MCOLN2: variants seen among roughly 807,000 people sequenced by gnomAD.
MCOLN2 encodes the protein mucolipin-2.
A neutral mutation model predicts 67.5 loss-of-function variants in MCOLN2; 57 were observed. That is an observed-to-expected ratio of 0.84 (90% CI 0.68 to 1.05). MCOLN2 has a LOEUF of 1.05. MCOLN2 is among the 50% of genes least tolerant of loss of function. The probability of loss-of-function intolerance (pLI) is 0.00; values close to 1 mark genes in which losing one functional copy is unlikely to be tolerated. For missense variants in MCOLN2, 620 were observed against 678.8 expected (o/e 0.91, Z 0.96); for synonymous variants, 246 against 233.3 (o/e 1.05, Z -0.50).
At chr1:84,956,831 GC>G (rs996444682) in intron 3 of MCOLN2, among the ~76,000 whole-genome samples, 1 of 152,168 alleles carries the variant, frequency 6.6e-6, no homozygotes, top group Admixed American at 6.5e-5. Flanking sequence ...CCAAGGTCCT[GC>G]CTTATCTCTA....
In MCOLN2 at chr1:84,937,817, CA is replaced by C; in HGVS notation, c.1272del (p.Gly425ValfsTer2). On this transcript the variant is annotated frameshift_variant, in exon 11 of 14. Transcript: ENST00000370608. LOFTEE classifies it high-confidence loss of function. ...AATGTGTAACCCAGATAAATCATAC[CA>C]GCACAAGCACAAAACCGAAGAACTT... ...LPKVLRFCAC[A>X]GMIYLGYTFC... is the part of the protein sequence containing the mutation. The C allele has an allele frequency of 1.2e-6, 2 of 1,614,122 alleles. No individual in the cohort carries two copies. Among genetic ancestry groups the C allele is most frequent in the Non-Finnish European group, 1.7e-6 (2 of 1,180,014 alleles).
At position 84,996,868 on chromosome 1, in the gene MCOLN2, G is replaced by A; in HGVS notation, c.5C>T (p.Ala2Val). 1.9e-6 allele frequency: 3 copies of A among 1,613,990 alleles called. No individual in the cohort carries two copies. Among genetic ancestry groups the A allele is most frequent in the Non-Finnish European group, 2.5e-6 (3 of 1,179,886 alleles). M[A>V]RQPYRFPQAR... The stretch of plus-strand genomic sequence containing the variant: ...CTGGGGAAAACGATAAGGCTGCCGG[G>A]CCATGCCTCCTCCTTCAAAACTTTC... Residue 2 changes from alanine to valine, a missense_variant, in exon 1 of 14, where the codon GCC becomes GTC. Physicochemically the swap from Ala to Val is moderately conservative, Grantham distance 64. Coordinates refer to ENST00000370608, the MANE Select transcript of MCOLN2 (RefSeq NM_153259.4).
intron 1 of MCOLN2, among the ~76,000 whole-genome samples, chr1:84,987,565 CATAGATGT>C (rs1225283552): frequency 1.3e-5 from 1 of 78,558 alleles, no homozygotes; most frequent in South Asian, 4.1e-4. Flanking sequence ...TCTATGTATA[CATAGATGT>C]ATACATAGAT....
At chr1:84,959,222 C>G (rs1648952918) in intron 2 of MCOLN2, among the ~76,000 whole-genome samples, 1 of 152,282 alleles carries the variant, frequency 6.6e-6, no homozygotes, top group South Asian at 2.1e-4. Flanking sequence ...ATTAATTCAG[C>G]TCTGCAAGAA....
In MCOLN2 at chr1:84,958,702, G is replaced by T. The variant is rs1255698980; in HGVS notation, c.238C>A (p.Leu80Ile). 1 of 1,563,432 alleles carries T rather than the reference G, an allele frequency of 6.4e-7. No individual in the cohort carries two copies. The highest frequency in any genetic ancestry group is 1.4e-5 in the African/African-American group (1 of 72,282). ...TGGTTACTTAAACCAAAACGAACAA[G>T]CTAAAAAATAAAATAAAATAGAAAC... Reference protein sequence around the residue: ...ILKIVMVTTQLVRFGLSNQLV... With the variant: ...ILKIVMVTTQIVRFGLSNQLV... The change falls in exon 3 of 14, where the codon CTT becomes ATT. Residue 80 changes from leucine to isoleucine, a missense_variant and splice_region_variant. Transcript: ENST00000370608.
intron 2 of MCOLN2, among the ~76,000 whole-genome samples, chr1:84,963,631 T>G (rs1649212321): frequency 6.6e-6 from 1 of 151,552 alleles, no homozygotes; most frequent in African/African-American, 2.4e-5. Flanking sequence ...CTCATGATAG[T>G]GAGTGAGTTC....
In MCOLN2 at chr1:84,956,509, C is replaced by A. The variant is rs142814021; in HGVS notation, c.487G>T (p.Val163Phe). 1 of 1,612,362 alleles carries A rather than the reference C, an allele frequency of 6.2e-7. No homozygotes were observed. The highest frequency in any genetic ancestry group is 2.2e-5 in the East Asian group (1 of 44,820). Residue 163 changes from valine (V) to phenylalanine (F), a missense_variant, in exon 4 of 14, where the codon GTC (valine) becomes TTC (phenylalanine). Val to Phe is a conservative substitution (Grantham distance 50). Transcript: ENST00000370608. ...CCTTTCTTGTAATGCTGCTTACAGA[C>A]TTTTAAGCCAATTCTATTGTCTTCA... ...ENEDNRIGLK[V>F]CKQHYKKGTM... is the part of the protein sequence containing the mutation.
chr1:84,980,414 T>G (rs539615702), intron 1 of MCOLN2, among the ~76,000 whole-genome samples: 1 of 152,236 alleles, frequency 6.6e-6, no homozygotes, highest in African/African-American at 2.4e-5. Flanking sequence ...CTTCAAAATA[T>G]ACCACATAGC....
Position 84,952,314 on chromosome 1 carries a change from GA to G in MCOLN2, c.675del (p.His226IlefsTer52). The G allele has an allele frequency of 1.2e-6, 2 of 1,613,444 alleles. No homozygotes were observed. The highest frequency in any genetic ancestry group is 1.7e-6 in the Non-Finnish European group (2 of 1,179,530). ...GTCTGTAGGTCAATGCCTTTAAGAT[GA>G]AAGGAGATTTCAACCTGTAAGAGCC... ...FYRLLQVEISFHLKGIDLQTI... is the reference protein window; with the variant it reads ...FYRLLQVEISXHLKGIDLQTI... On this transcript the variant is annotated frameshift_variant, in exon 6 of 14. Transcript: ENST00000370608. LOFTEE classifies it high-confidence loss of function.
chr1:84,938,594 C>T (rs1647570134), intron 9 of MCOLN2, among the ~76,000 whole-genome samples: 1 of 152,206 alleles, frequency 6.6e-6, no homozygotes, highest in South Asian at 2.1e-4. Context: ...GACACAATGC[C>T]TAGCTCATCA....
At chr1:84,973,025 T>G (rs1233944189) in intron 1 of MCOLN2, among the ~76,000 whole-genome samples, 3 of 152,200 alleles carry the variant, frequency 2.0e-5, no homozygotes, top group Non-Finnish European at 4.4e-5. Context: ...GTGGGGTCCT[T>G]GTGCACAAGG....
At chr1:84,976,602 C>G (rs1021541298) in intron 1 of MCOLN2, among the ~76,000 whole-genome samples, 3 of 152,070 alleles carry the variant, frequency 2.0e-5, no homozygotes, top group African/African-American at 7.2e-5. Flanking sequence ...CCCGTCTCTA[C>G]TAAAAATATA....
chr1:84,989,983 T>A (rs754871516), intron 1 of MCOLN2, among the ~76,000 whole-genome samples: 7 of 152,042 alleles, frequency 4.6e-5, no homozygotes, highest in Non-Finnish European at 7.4e-5. Context: ...TTGGGCAGTA[T>A]CTATAAAAGT....
chr1:84,995,049 G>C (rs1054572754), intron 1 of MCOLN2, among the ~76,000 whole-genome samples: 8 of 152,180 alleles, frequency 5.3e-5, no homozygotes, highest in African/African-American at 1.9e-4. Flanking sequence ...AGAATGGCTG[G>C]TCGGTGGAGT....
Position 84,946,430 on chromosome 1 carries a change from T to A in MCOLN2, c.847+603A>T, listed in dbSNP as rs564303500. Among the ~76,000 whole-genome samples, 9 of 152,338 alleles carry A rather than the reference T, an allele frequency of 5.9e-5. No homozygotes were observed. In the South Asian group the frequency reaches 6.2e-4, roughly 11 times the overall value. On this transcript the variant is annotated intron_variant, in intron 7 of 13. Transcript: ENST00000370608. ...GCTTTATATACTAATTCATTTAATATTCAATATCCTGGAAGGTAAGTTTAG... is the reference window on the plus strand; with the variant it reads ...GCTTTATATACTAATTCATTTAATAATCAATATCCTGGAAGGTAAGTTTAG...
At chr1:84,942,237 C>T (rs553614400) in intron 7 of MCOLN2, among the ~76,000 whole-genome samples, 64 of 152,324 alleles carry the variant, frequency 4.2e-4, no homozygotes, top group Non-Finnish European at 2.5e-4. Flanking sequence ...CCCAGAGCTC[C>T]TTTACTTTCC....
chr1:84,961,243 C>T (rs1372560631), intron 2 of MCOLN2, among the ~76,000 whole-genome samples: 1 of 152,168 alleles, frequency 6.6e-6, no homozygotes, highest in Admixed American at 6.6e-5. Flanking sequence ...CTTGGCCCCA[C>T]AGCCTCTTAA....
At chr1:84,962,620 C>A (rs1571000282) in intron 2 of MCOLN2, among the ~76,000 whole-genome samples, 1 of 152,264 alleles carries the variant, frequency 6.6e-6, no homozygotes, top group African/African-American at 2.4e-5. Flanking sequence ...GATGGTCAGG[C>A]AAGGCCCAGT....
intron 1 of MCOLN2, among the ~76,000 whole-genome samples, chr1:84,973,029 C>T (rs899527589): frequency 6.6e-6 from 1 of 152,112 alleles, no homozygotes; most frequent in Non-Finnish European, 1.5e-5. Flanking sequence ...GGTCCTTGTG[C>T]ACAAGGACGT....
Sources: gnomAD v4.1 joint callset for allele counts (sites outside exome capture counted in the v4.1 genomes callset) on GRCh38, gnomAD v4.1.1 for gene constraint, MANE v1.5 for transcripts, NCBI Gene and HGNC (gene_info 2026-07-23, HGNC 2026-07-21) for gene names.